Variants in GRXCR1 observed in about 807,000 individuals in gnomAD.
The protein encoded by GRXCR1 is glutaredoxin and cysteine rich domain containing 1.
A neutral mutation model predicts 27.3 loss-of-function variants in GRXCR1; 27 were observed. The ratio of observed to expected loss-of-function variants is 0.99; its 90% CI spans 0.73 to 1.37. The LOEUF is 1.37. GRXCR1 is among the 40% of genes most tolerant of loss of function. The probability of loss-of-function intolerance (pLI) is 0.00; values close to 1 mark genes in which losing one functional copy is unlikely to be tolerated. For synonymous variants in GRXCR1, 122 were observed against 131.1 expected (o/e 0.93, Z 0.47); for missense variants, 379 against 354.4 (o/e 1.07, Z -0.56).
At chr4:42,902,018 C>T (rs75222716) in intron 1 of GRXCR1, among the ~76,000 whole-genome samples, 13,048 of 152,142 alleles carry the variant, frequency 0.086, 965 homozygotes, top group East Asian at 0.33. Context: ...GTATATGATG[C>T]TACATTCAAT....
chr4:42,984,718 C>T (rs983288154), intron 2 of GRXCR1, among the ~76,000 whole-genome samples: 4 of 152,180 alleles, frequency 2.6e-5, no homozygotes, highest in African/African-American at 9.7e-5. Context: ...GTTGGTGGAA[C>T]ACTGGAGCAG....
intron 2 of GRXCR1, among the ~76,000 whole-genome samples, chr4:42,988,563 T>G (rs1358887153): frequency 6.6e-6 from 1 of 152,228 alleles, no homozygotes; most frequent in Admixed American, 6.5e-5. Flanking sequence ...AAAAGTAGAA[T>G]TAAATGTTCA....
chr4:42,975,302 T>C (rs1748488101), intron 2 of GRXCR1, among the ~76,000 whole-genome samples: 2 of 152,138 alleles, frequency 1.3e-5, no homozygotes, highest in Admixed American at 1.3e-4. Context: ...ATGAAAGCAA[T>C]TTATTGTCAC....
At chr4:42,949,240 C>A (rs995507713) in intron 1 of GRXCR1, among the ~76,000 whole-genome samples, 3 of 150,296 alleles carry the variant, frequency 2.0e-5, no homozygotes, top group African/African-American at 7.3e-5. Flanking sequence ...TGGCCCGTGC[C>A]TATAATCCCA....
intron 1 of GRXCR1, among the ~76,000 whole-genome samples, chr4:42,951,985 C>A (rs1434690952): frequency 6.6e-6 from 1 of 152,132 alleles, no homozygotes; most frequent in East Asian, 1.9e-4. Flanking sequence ...AACTGAAATT[C>A]ACTTATTTGA....
intron 1 of GRXCR1, among the ~76,000 whole-genome samples, chr4:42,901,550 C>T (rs75873188): frequency 0.086 from 13,055 of 152,196 alleles, 970 homozygotes; most frequent in East Asian, 0.34. Flanking sequence ...TTACGTTGGG[C>T]CTATCCAGTC....
At chr4:42,894,721 G>A (rs1043455900) in intron 1 of GRXCR1, among the ~76,000 whole-genome samples, 1 of 151,938 alleles carries the variant, frequency 6.6e-6, no homozygotes, top group African/African-American at 2.4e-5. Flanking sequence ...GGCAATTACC[G>A]GTAAAGAATT....
At chr4:43,005,496 A>G (rs1712527906) in intron 2 of GRXCR1, among the ~76,000 whole-genome samples, 1 of 152,108 alleles carries the variant, frequency 6.6e-6, no homozygotes. Context: ...TCTTTTTCCC[A>G]ATGTTGGATC....
At chr4:43,025,302 A>T (rs1334352525) in intron 3 of GRXCR1, among the ~76,000 whole-genome samples, 1 of 152,180 alleles carries the variant, frequency 6.6e-6, no homozygotes, top group Non-Finnish European at 1.5e-5. Context: ...TGAGGCTGAG[A>T]TGTACTACTA....
chr4:42,904,773 T>C (rs1746548045), intron 1 of GRXCR1, among the ~76,000 whole-genome samples: 1 of 152,180 alleles, frequency 6.6e-6, no homozygotes. Flanking sequence ...TCATTGAGGG[T>C]GCAAAGATGA....
At chr4:42,955,550 C>G (rs1747982343) in intron 1 of GRXCR1, among the ~76,000 whole-genome samples, 1 of 152,092 alleles carries the variant, frequency 6.6e-6, no homozygotes, top group Admixed American at 6.6e-5. Context: ...TGAACGTCAA[C>G]TCTGTCTCCT....
At chr4:42,959,729 A>T (rs1406634535) in intron 1 of GRXCR1, among the ~76,000 whole-genome samples, 1 of 151,930 alleles carries the variant, frequency 6.6e-6, no homozygotes, top group Non-Finnish European at 1.5e-5. Flanking sequence ...GAGTCAGTAG[A>T]TCTGGGGCGA....
intron 2 of GRXCR1, among the ~76,000 whole-genome samples, chr4:42,979,981 T>C (rs528026122): frequency 1.3e-5 from 2 of 152,154 alleles, no homozygotes; most frequent in Middle Eastern, 3.4e-3. Flanking sequence ...CTTATGACCA[T>C]TTGTATTTCT....
chr4:43,029,026 GA>G, intron 3 of GRXCR1, among the ~76,000 whole-genome samples: 1 of 152,228 alleles, frequency 6.6e-6, no homozygotes, highest in East Asian at 1.9e-4. Flanking sequence ...GCTATATACA[GA>G]AAATGCCCAT....
intron 2 of GRXCR1, among the ~76,000 whole-genome samples, chr4:42,971,800 A>T (rs1008711183): frequency 6.6e-6 from 1 of 152,110 alleles, no homozygotes; most frequent in Non-Finnish European, 1.5e-5. Context: ...TCAAAAAAAA[A>T]ATGCTCAAAG....
chr4:42,995,989 T>G (rs1353303430), intron 2 of GRXCR1, among the ~76,000 whole-genome samples: 1 of 152,206 alleles, frequency 6.6e-6, no homozygotes, highest in Non-Finnish European at 1.5e-5. Flanking sequence ...AATATAAGCA[T>G]ATGAGTTTTC....
In GRXCR1 at chr4:42,893,222, A is replaced by G; in HGVS notation, c.-45A>G. 1 of 1,611,732 alleles carries G rather than the reference A, an allele frequency of 6.2e-7. No homozygotes were observed. On this transcript the variant is annotated 5_prime_UTR_variant, in exon 1 of 4. Coordinates refer to ENST00000399770, the MANE Select transcript of GRXCR1 (RefSeq NM_001080476.3). ...TGGCAAGTGGACTAGTGCAGTAACA[A>G]CGGGTCCAGAATGCTGTAAACTGTT... is the stretch of plus-strand genomic sequence containing the variant.
intron 1 of GRXCR1, among the ~76,000 whole-genome samples, chr4:42,949,510 A>G (rs913840372): frequency 7.2e-5 from 11 of 152,152 alleles, no homozygotes; most frequent in African/African-American, 2.7e-4. Context: ...AGTTACTTGA[A>G]TCAAATACTA....
At chr4:42,968,455 T>A (rs535417988) in intron 2 of GRXCR1, among the ~76,000 whole-genome samples, 1 of 152,172 alleles carries the variant, frequency 6.6e-6, no homozygotes, top group Non-Finnish European at 1.5e-5. Flanking sequence ...ATAATGGTTC[T>A]TTTCCACACA....
Sources: gnomAD v4.1 joint callset for allele counts (sites outside exome capture counted in the v4.1 genomes callset) on GRCh38, gnomAD v4.1.1 for gene constraint, MANE v1.5 for transcripts, NCBI Gene and HGNC (gene_info 2026-07-23, HGNC 2026-07-21) for gene names.